The following PTPRT variants were observed in gnomAD, a reference collection of about 807,000 sequenced individuals.
PTPRT encodes the protein receptor-type tyrosine-protein phosphatase T.
Under a neutral mutation model 176.8 loss-of-function variants are expected in PTPRT, and 56 were observed. The observed-to-expected ratio is 0.32, with a 90% CI of 0.26 to 0.40. PTPRT has a LOEUF of 0.40. Among genes scored for constraint, PTPRT ranks in the 10% least tolerant of loss-of-function variants. The pLI, the probability that PTPRT is intolerant of heterozygous loss-of-function variation, is 1.00. For missense variants in PTPRT, 1,540 were observed against 1,908.2 expected (o/e 0.81, Z 3.60); for synonymous variants, 783 against 739.0 (o/e 1.06, Z -0.96).
At chr20:42,929,144 C>A (rs569704304) in intron 1 of PTPRT, among the ~76,000 whole-genome samples, 189 of 152,298 alleles carry the variant, frequency 1.2e-3, no homozygotes, top group Non-Finnish European at 1.9e-3. Context: ...CCTTAGCATG[C>A]GAGAGTAATT....
At chr20:42,743,576 TG>T (rs1300615091) in intron 6 of PTPRT, among the ~76,000 whole-genome samples, 1 of 152,214 alleles carries the variant, frequency 6.6e-6, no homozygotes, top group Admixed American at 6.5e-5. Context: ...CCCATTATTT[TG>T]ACAAATAGTC....
rs1201976536 is a variant in PTPRT at position 42,104,246 on chromosome 20, A to G, written c.3540+323T>C. Among the ~76,000 whole-genome samples the G allele has an allele frequency of 2.0e-5, 3 of 152,154 alleles. No individual in the cohort carries two copies. The East Asian group carries it at 5.8e-4, about 29-fold the overall frequency. Reference sequence around the variant, plus strand: ...CAATTTGGGAGACCAAGGTGGGAGGATTCCTTGAGCCCAGGAGTTGAAGAC... The same window carrying G: ...CAATTTGGGAGACCAAGGTGGGAGGGTTCCTTGAGCCCAGGAGTTGAAGAC... On this transcript the variant is annotated intron_variant, in intron 25 of 30. Coordinates refer to ENST00000373187, the MANE Select transcript of PTPRT (RefSeq NM_007050.6).
intron 2 of PTPRT, among the ~76,000 whole-genome samples, chr20:42,822,082 A>G (rs1049141446): frequency 2.0e-5 from 3 of 151,726 alleles, no homozygotes; most frequent in African/African-American, 4.8e-5. Flanking sequence ...ATGGAATCAA[A>G]GAAGACCCCA....
At chr20:42,805,389 A>G (rs930727168) in intron 2 of PTPRT, among the ~76,000 whole-genome samples, 1 of 152,200 alleles carries the variant, frequency 6.6e-6, no homozygotes, top group Non-Finnish European at 1.5e-5. Flanking sequence ...AGCTATATCC[A>G]AATTCCAATG....
chr20:42,161,426 G>A lies in PTPRT; in HGVS notation c.2608C>T (p.Arg870Trp), dbSNP rs1357627666. 1.2e-6 allele frequency: 2 copies of A among 1,614,146 alleles called. No individual in the cohort carries two copies. Among genetic ancestry groups the A allele is most frequent in the East Asian group, 2.2e-5 (1 of 44,866 alleles). ...ATGTGCTGCAGCAAGTCAGCCACCC[G>A]GATGGCGGGTTGGAACTGGTCCCGG... ...YPRDQFQPAI[R>W]VADLLQHITQ... is the part of the protein sequence containing the mutation. Residue 870 changes from arginine to tryptophan, a missense_variant, in exon 17 of 31, where the codon CGG becomes TGG. By Grantham distance (101) the Arg-to-Trp change is moderately radical. This residue lies in a region of PTPRT where 255 missense variants were observed against 250.1 expected (regional missense o/e 1.02). Coordinates refer to ENST00000373187, the MANE Select transcript of PTPRT (RefSeq NM_007050.6).
At chr20:42,879,703 G>T (rs2078985331) in intron 2 of PTPRT, among the ~76,000 whole-genome samples, 1 of 151,992 alleles carries the variant, frequency 6.6e-6, no homozygotes, top group Non-Finnish European at 1.5e-5. Flanking sequence ...TGGAGACGGT[G>T]CTGCTTCCAT....
intron 11 of PTPRT, among the ~76,000 whole-genome samples, chr20:42,327,976 A>G (rs1442214707): frequency 6.6e-6 from 1 of 152,154 alleles, no homozygotes; most frequent in East Asian, 1.9e-4. Context: ...AAATTATCTG[A>G]ATAAAGGTAT....
chr20:42,664,254 GC>G (rs1251544426), intron 7 of PTPRT, among the ~76,000 whole-genome samples: 39 of 152,146 alleles, frequency 2.6e-4, no homozygotes, highest in African/African-American at 9.4e-4. Context: ...TAAAGTTAGA[GC>G]TTTTTATGTG....
At chr20:42,834,434 C>G (rs1387688880) in intron 2 of PTPRT, among the ~76,000 whole-genome samples, 1 of 152,008 alleles carries the variant, frequency 6.6e-6, no homozygotes, top group Admixed American at 6.6e-5. Flanking sequence ...CAAAATGGTA[C>G]AACCATTTTG....
chr20:43,061,424 GC>G (rs1987456260), intron 1 of PTPRT, among the ~76,000 whole-genome samples: 1 of 152,286 alleles, frequency 6.6e-6, no homozygotes, highest in East Asian at 1.9e-4. Context: ...CTCATGTTGA[GC>G]ACCTTTAAGT....
intron 1 of PTPRT, among the ~76,000 whole-genome samples, chr20:42,996,952 T>C (rs1439374606): frequency 6.6e-6 from 1 of 152,320 alleles, no homozygotes; most frequent in South Asian, 2.1e-4. Flanking sequence ...TAATACTCAA[T>C]AAATGCTTGC....
At chr20:42,872,063 G>A (rs547079468) in intron 2 of PTPRT, among the ~76,000 whole-genome samples, 1 of 152,304 alleles carries the variant, frequency 6.6e-6, no homozygotes, top group African/African-American at 2.4e-5. Flanking sequence ...TCCTGAGAAA[G>A]TGCAATTTGG....
chr20:42,085,505 A>C (rs1049986854), intron 28 of PTPRT, among the ~76,000 whole-genome samples: 3 of 152,208 alleles, frequency 2.0e-5, no homozygotes, highest in African/African-American at 7.2e-5. Context: ...GTGTGTCAGG[A>C]AACAGGCAGA....
chr20:42,591,018 A>G (rs1171223468), intron 7 of PTPRT, among the ~76,000 whole-genome samples: 1 of 151,132 alleles, frequency 6.6e-6, no homozygotes, highest in Non-Finnish European at 1.5e-5. Context: ...AATGCATTGT[A>G]CTGCATGCTA....
intron 7 of PTPRT, among the ~76,000 whole-genome samples, chr20:42,649,360 C>A (rs961700951): frequency 6.6e-6 from 1 of 152,256 alleles, no homozygotes; most frequent in African/African-American, 2.4e-5. Flanking sequence ...GGATCCCTCC[C>A]ATGACACGTG....
intron 6 of PTPRT, among the ~76,000 whole-genome samples, chr20:42,736,838 G>T (rs1365250954): frequency 6.6e-6 from 1 of 152,068 alleles, no homozygotes; most frequent in Admixed American, 6.5e-5. Context: ...GGAAGGAAAG[G>T]ACCAGCCCCC....
At chr20:42,399,161 G>C (rs2058880290) in intron 9 of PTPRT, among the ~76,000 whole-genome samples, 1 of 152,242 alleles carries the variant, frequency 6.6e-6, no homozygotes, top group Admixed American at 6.5e-5. Flanking sequence ...AGTCAGTGTG[G>C]ATTTAAGGGG....
At chr20:42,055,899 T>A in the PTPRT span, among the ~76,000 whole-genome samples, 1 of 152,092 alleles carries the variant, frequency 6.6e-6, no homozygotes. Context: ...GGCCAGCTGA[T>A]GGGGGTCGAC....
intron 17 of PTPRT, among the ~76,000 whole-genome samples, chr20:42,147,448 G>C (rs1291415622): frequency 2.0e-5 from 3 of 152,152 alleles, no homozygotes. Context: ...ACTCACCAGA[G>C]TTTTTTCTTT....
Sources: gnomAD v4.1 joint callset for allele counts (sites outside exome capture counted in the v4.1 genomes callset) on GRCh38, gnomAD v4.1.1 for gene constraint, gnomAD v4.1.1 regional missense constraint, MANE v1.5 for transcripts, NCBI Gene and HGNC (gene_info 2026-07-23, HGNC 2026-07-21) for gene names.